The following RMDN1 variants were observed in gnomAD, a reference collection of about 807,000 sequenced individuals.
RMDN1 encodes regulator of microtubule dynamics protein 1.
RMDN1 carries 48 observed loss-of-function variants against 48.9 expected under a neutral mutation model. The ratio of observed to expected loss-of-function variants is 0.98; its 90% CI spans 0.78 to 1.25. RMDN1 has a LOEUF of 1.25. RMDN1 is among the 50% of genes most tolerant of loss of function. The pLI, the probability that RMDN1 is intolerant of heterozygous loss-of-function variation, is 0.00. For synonymous variants in RMDN1, 148 were observed against 132.6 expected (o/e 1.12, Z -0.80); for missense variants, 418 against 373.4 (o/e 1.12, Z -0.98).
chr8:86,474,694 G>T, intron 9 of RMDN1, 126 bp downstream of exon 9: 1 of 930,462 alleles, frequency 1.1e-6, no homozygotes. Flanking sequence ...ATTTACACTT[G>T]AAATGAACAC....
chr8:86,501,407 T>C (rs1036017658), intron 2 of RMDN1, among the ~76,000 whole-genome samples: 7 of 152,166 alleles, frequency 4.6e-5, no homozygotes, highest in African/African-American at 1.7e-4. Flanking sequence ...GTGTCGTGGC[T>C]AATGCCTGTA....
intron 2 of RMDN1, among the ~76,000 whole-genome samples, chr8:86,506,364 T>C (rs1819356246): frequency 6.6e-6 from 1 of 152,212 alleles, no homozygotes; most frequent in African/African-American, 2.4e-5. Context: ...TAAAGGTGTG[T>C]TGTTGCCTTT....
intron 4 of RMDN1, among the ~76,000 whole-genome samples, 180 bp from the exon 5 acceptor site, chr8:86,485,141 A>AG (rs974640180): frequency 2.6e-5 from 4 of 152,182 alleles, no homozygotes; most frequent in African/African-American, 9.6e-5. Flanking sequence ...CTAGAAACTC[A>AG]GGAATAGGGT....
intron 5 of RMDN1, chr8:86,482,899 C>A: frequency 9.9e-7 from 1 of 1,013,096 alleles, no homozygotes; most frequent in South Asian, 1.3e-5. Context: ...AACAGACTGA[C>A]CTCTGATACA....
At chr8:86,502,908 G>A (rs1175160550) in intron 2 of RMDN1, among the ~76,000 whole-genome samples, 1 of 152,014 alleles carries the variant, frequency 6.6e-6, no homozygotes, top group Non-Finnish European at 1.5e-5. Context: ...TAGGTTAAGG[G>A]CTCTACAAAA....
At position 86,473,483 on chromosome 8, in the gene RMDN1, T is replaced by A; in HGVS notation, c.*825A>T. 1.0e-6 allele frequency: 1 copy of A among 985,426 alleles called. No homozygotes were observed. The highest frequency in any genetic ancestry group is 1.2e-6 in the Non-Finnish European group (1 of 829,916). 61.0% of individuals were successfully genotyped at this position (985,426 alleles called of 1,614,324 possible). ...AGACTACACCACATTTAAAGTAAACTGGCCAGGTGCGGTGGCTCACGCCTG... is the reference window on the plus strand; with the variant it reads ...AGACTACACCACATTTAAAGTAAACAGGCCAGGTGCGGTGGCTCACGCCTG... On this transcript the variant is annotated 3_prime_UTR_variant, in exon 10 of 10. Transcript: ENST00000406452.
chr8:86,490,186 C>T (rs1816261971), intron 2 of RMDN1, among the ~76,000 whole-genome samples: 1 of 152,048 alleles, frequency 6.6e-6, no homozygotes, highest in Non-Finnish European at 1.5e-5. Flanking sequence ...AGTCTTTATT[C>T]TTTAGTTGAT....
At position 86,477,380 on chromosome 8, in the gene RMDN1, T is replaced by G. The variant is rs1813563424; in HGVS notation, c.730-56A>C. ...TAAAAAAGATTAAAGAAGACAATAT[T>G]AAAAAAGCATTGTCTCAAAGATCTA... On this transcript the variant is annotated intron_variant, in intron 7 of 9. Coordinates refer to ENST00000406452, the MANE Select transcript of RMDN1 (RefSeq NM_016033.3). 36 of 1,379,918 alleles carry G rather than the reference T, an allele frequency of 2.6e-5. No homozygotes were observed. In the South Asian group the frequency reaches 4.0e-4, roughly 15 times the overall value. The allele number at this position is 1,379,918 out of a possible 1,614,324, so 85.5% of individuals were successfully genotyped here. A position where few individuals can be genotyped will look rare whatever the true frequency, so the allele number is the denominator to read the frequency against.
In RMDN1 at chr8:86,487,322, C is replaced by T. The variant is rs188702185; in HGVS notation, c.336-679G>A. On this transcript the variant is annotated intron_variant, in intron 3 of 9. Coordinates refer to ENST00000406452, the MANE Select transcript of RMDN1 (RefSeq NM_016033.3). ...AGAAATAATTGTAAAAATTAAATTC[C>T]GCCAGGCACAGTGGCTCACGCCTGT... Among the ~76,000 whole-genome samples, 147 of 152,180 alleles carry T rather than the reference C, an allele frequency of 9.7e-4. 1 individual carries two copies. Among genetic ancestry groups the T allele is most frequent in the South Asian group, 4.6e-3 (22 of 4,828 alleles).
chr8:86,495,152 T>C (rs1324390921), intron 2 of RMDN1, among the ~76,000 whole-genome samples: 6 of 151,424 alleles, frequency 4.0e-5, no homozygotes, highest in African/African-American at 7.3e-5. Context: ...AAAGAAGACA[T>C]TGAGAGTGGA....
chr8:86,485,028 G>A (rs1463637171), intron 4 of RMDN1, 67 bp from the exon 5 acceptor site: 5 of 866,434 alleles, frequency 5.8e-6, no homozygotes, highest in South Asian at 1.8e-5. Context: ...AGGTAAAACT[G>A]TATAATATTC....
chr8:86,485,781 G>A (rs776918424), intron 4 of RMDN1, among the ~76,000 whole-genome samples: 29 of 152,048 alleles, frequency 1.9e-4, no homozygotes, highest in Non-Finnish European at 3.5e-4. Flanking sequence ...AAAAACCCAG[G>A]TGCTGTGGAA....
rs1417581943 is a variant in RMDN1, at chr8:86,474,572, T to C, written c.895-214A>G. On this transcript the variant is annotated intron_variant, in intron 9 of 9. Transcript: ENST00000406452. ...TTATGTTTTAGAAATGTTAACTCGATCTGCCATGTGTGTCAAACAGGAATA... is the reference window on the plus strand; with the variant it reads ...TTATGTTTTAGAAATGTTAACTCGACCTGCCATGTGTGTCAAACAGGAATA... 1.9e-5 allele frequency: 13 copies of C among 702,382 alleles called. No homozygotes were observed. In the Admixed American group the frequency reaches 2.9e-4, roughly 15 times the overall value. 43.5% of individuals were successfully genotyped at this position (702,382 alleles called of 1,614,324 possible).
At chr8:86,508,141 C>A (rs1227092435) in intron 1 of RMDN1, 6 of 234,696 alleles carry the variant, frequency 2.6e-5, no homozygotes, top group Admixed American at 1.7e-4. Flanking sequence ...CTGAAAGGGG[C>A]AGCCTCAAGC....
chr8:86,478,757 C>A (rs1182058097), intron 7 of RMDN1, 166 bp downstream of exon 7: 23 of 624,792 alleles, frequency 3.7e-5, no homozygotes, highest in Non-Finnish European at 6.3e-5. Flanking sequence ...AACCACTCAC[C>A]AGTCAAGGAT....
Position 86,493,628 on chromosome 8 carries a change from C to G in RMDN1, c.248-4989G>C, listed in dbSNP as rs1816862422. Among the ~76,000 whole-genome samples the G allele has an allele frequency of 2.6e-5, 4 of 152,276 alleles. No individual in the cohort carries two copies. The South Asian group carries it at 6.2e-4, about 24-fold the overall frequency. On this transcript the variant is annotated intron_variant, in intron 2 of 9. Transcript: ENST00000406452. Reference sequence around the variant, plus strand: ...CAAATATAGGTTGAACATCTCTAATCTGAAAATCCAGAATTTGAAATGTTT... The same window carrying G: ...CAAATATAGGTTGAACATCTCTAATGTGAAAATCCAGAATTTGAAATGTTT...
downstream of RMDN1, chr8:86,470,199 C>CAGAGT (rs772193436): frequency 2.3e-6 from 3 of 1,289,076 alleles, no homozygotes; most frequent in South Asian, 3.7e-5. Context: ...ACTTAGAACA[C>CAGAGT]AGAGTACTAC....
intron 2 of RMDN1, among the ~76,000 whole-genome samples, chr8:86,499,603 G>C (rs1817888088): frequency 6.6e-6 from 1 of 152,034 alleles, no homozygotes; most frequent in Non-Finnish European, 1.5e-5. Context: ...TGATAAAATG[G>C]TCTTACTGCC....
intron 2 of RMDN1, among the ~76,000 whole-genome samples, chr8:86,503,366 C>CAAAAAAAAAAAAAAAAAAAAAAAAAA (rs1354324383): frequency 3.4e-4 from 24 of 70,430 alleles, no homozygotes; most frequent in Non-Finnish European, 4.3e-4. Context: ...CAAAACAAAA[C>CAAAAAAAAAAAAAAAAAAAAAAAAAA]AAAACAAAAA....
Sources: allele counts gnomAD v4.1 joint callset (sites outside exome capture counted in the v4.1 genomes callset), GRCh38; gene constraint gnomAD v4.1.1; transcripts MANE v1.5; gene names NCBI Gene and HGNC (gene_info 2026-07-23, HGNC 2026-07-21).